DLG2: variants seen among roughly 807,000 people sequenced by gnomAD.
DLG2 encodes the protein discs large MAGUK scaffold protein 2.
DLG2 carries 45 observed loss-of-function variants against 132.5 expected under a neutral mutation model. The ratio of observed to expected loss-of-function variants is 0.34; its 90% confidence interval spans 0.27 to 0.44. The LOEUF is 0.44. Among genes scored for constraint, DLG2 ranks in the 20% least tolerant of loss-of-function variants. The pLI, the probability that DLG2 is intolerant of heterozygous loss-of-function variation, is 1.00. For missense variants in DLG2, 1,045 were observed against 1,196.9 expected, an observed-to-expected ratio of 0.87 and a Z score of 1.87; for synonymous variants, 424 against 419.6, an observed-to-expected ratio of 1.01 and a Z score of -0.13.
rs1002753188 is a variant in DLG2 at position 83,455,908 on chromosome 11, T to C, written c.*3910A>G. The C allele has an allele frequency of 3.3e-5, 5 of 152,476 alleles. No individual in the cohort carries two copies. The highest frequency in any genetic ancestry group is 1.2e-4 in the African/African-American group (5 of 41,446). 9.4% of individuals were successfully genotyped at this position (152,476 alleles called of 1,614,324 possible). A position where few individuals can be genotyped will look rare whatever the true frequency, so the allele number is the denominator to read the frequency against. On this transcript the variant is annotated 3_prime_UTR_variant, in exon 28 of 28. Transcript: ENST00000376104. ...TTAGGAATTAGCCTGAGTCCTTGGC[T>C]TAAATATATTTGTAGGAATTTAGGC...
At chr11:84,195,470 C>T (rs2096498382) in intron 8 of DLG2, among the ~76,000 whole-genome samples, 1 of 152,044 alleles carries the variant, frequency 6.6e-6, no homozygotes, top group African/African-American at 2.4e-5. Context: ...AGCCTTGCCT[C>T]TACTCTTCTC....
At chr11:84,435,426 C>G (rs1247151171) in intron 7 of DLG2, among the ~76,000 whole-genome samples, 1 of 152,122 alleles carries the variant, frequency 6.6e-6, no homozygotes, top group African/African-American at 2.4e-5. Context: ...AATACAAATT[C>G]CATTAAAAAA....
chr11:83,817,539 C>T lies in DLG2; in HGVS notation c.1722+16075G>A, dbSNP rs188413314. ...ACTCTGAAAAAAGTATGAATGTATG[C>T]CTTTAATTTTAATTTCTGATTTTAA... is the stretch of plus-strand genomic sequence containing the variant. On this transcript the variant is annotated intron_variant, in intron 17 of 27. Transcript: ENST00000376104. 6.2e-3 allele frequency among the ~76,000 whole-genome samples: 940 copies of T among 152,082 alleles called. 8 individuals carry two copies. The highest frequency in any genetic ancestry group is 0.02 in the Middle Eastern group (6 of 294).
chr11:84,598,438 G>A (rs576595848), intron 6 of DLG2, among the ~76,000 whole-genome samples: 1 of 152,228 alleles, frequency 6.6e-6, no homozygotes, highest in Non-Finnish European at 1.5e-5. Context: ...TGCAGCTAAG[G>A]TTGAAACACT....
intron 6 of DLG2, among the ~76,000 whole-genome samples, chr11:84,560,775 G>A (rs749343334): frequency 4.6e-5 from 7 of 152,060 alleles, no homozygotes; most frequent in Admixed American, 6.6e-5. Context: ...TGAAGATGGA[G>A]TAGGTATTAC....
chr11:84,389,795 T>C (rs547292931), intron 7 of DLG2, among the ~76,000 whole-genome samples: 1 of 152,310 alleles, frequency 6.6e-6, no homozygotes, highest in East Asian at 1.9e-4. Context: ...CAGTAAGAAA[T>C]GCAGCTAGCT....
intron 3 of DLG2, among the ~76,000 whole-genome samples, chr11:85,374,910 ACCTTT>A (rs759100491): frequency 5.9e-5 from 9 of 152,074 alleles, no homozygotes; most frequent in Non-Finnish European, 1.2e-4. Flanking sequence ...ATATACTAAA[ACCTTT>A]AGGGCTGAAA....
At chr11:84,253,116 G>A (rs778011251) in intron 7 of DLG2, among the ~76,000 whole-genome samples, 1 of 151,972 alleles carries the variant, frequency 6.6e-6, no homozygotes, top group Non-Finnish European at 1.5e-5. Context: ...TCAATGGGAC[G>A]TATCTTGTGG....
At chr11:84,599,316 T>C (rs982773961) in intron 6 of DLG2, among the ~76,000 whole-genome samples, 2 of 152,174 alleles carry the variant, frequency 1.3e-5, no homozygotes, top group Non-Finnish European at 2.9e-5. Context: ...CGAGGGACTA[T>C]GAAAACTGTG....
intron 22 of DLG2, chr11:83,480,772 T>C: frequency 3.0e-6 from 2 of 676,406 alleles, no homozygotes; most frequent in Non-Finnish European, 4.9e-6. Flanking sequence ...CTGAGTGTTT[T>C]CTTGACTATA....
chr11:84,497,756 T>C (rs1294448038), intron 7 of DLG2, among the ~76,000 whole-genome samples: 1 of 152,144 alleles, frequency 6.6e-6, no homozygotes, highest in Non-Finnish European at 1.5e-5. Context: ...TAACTAATCA[T>C]CTCTTATCAA....
chr11:85,447,430 G>C (rs973609025), intron 3 of DLG2, among the ~76,000 whole-genome samples: 7 of 152,064 alleles, frequency 4.6e-5, no homozygotes, highest in African/African-American at 1.4e-4. Context: ...AATATGACTG[G>C]TGACTTTATA....
intron 4 of DLG2, among the ~76,000 whole-genome samples, chr11:85,159,893 C>A (rs923303117): frequency 2.6e-5 from 4 of 152,046 alleles, no homozygotes; most frequent in African/African-American, 9.7e-5. Flanking sequence ...CCACAATGGC[C>A]CATTACATTG....
At chr11:84,254,428 A>T (rs567787397) in intron 7 of DLG2, among the ~76,000 whole-genome samples, 11 of 152,182 alleles carry the variant, frequency 7.2e-5, no homozygotes, top group Non-Finnish European at 1.5e-4. Flanking sequence ...AGAATTCTCC[A>T]CAGCACTTGG....
At chr11:85,525,372 G>C (rs1331887514) in intron 3 of DLG2, among the ~76,000 whole-genome samples, 1 of 152,014 alleles carries the variant, frequency 6.6e-6, no homozygotes, top group African/African-American at 2.4e-5. Context: ...TGAAACTAAG[G>C]TTTTCATTAT....
At chr11:83,825,663 G>C (rs547982813) in intron 17 of DLG2, among the ~76,000 whole-genome samples, 1 of 152,248 alleles carries the variant, frequency 6.6e-6, no homozygotes, top group South Asian at 2.1e-4. Context: ...GATGGAGGTA[G>C]GAGGGAGCTC....
intron 3 of DLG2, among the ~76,000 whole-genome samples, chr11:85,562,463 C>T (rs538509969): frequency 2.6e-5 from 4 of 151,746 alleles, no homozygotes; most frequent in South Asian, 2.1e-4. Context: ...ATCCTCAAAA[C>T]GAACTCCTTA....
chr11:83,764,972 T>C (rs759320487), intron 18 of DLG2, among the ~76,000 whole-genome samples: 1 of 152,246 alleles, frequency 6.6e-6, no homozygotes, highest in Non-Finnish European at 1.5e-5. Flanking sequence ...GCACACTCTC[T>C]AGATTTGACT....
intron 9 of DLG2, among the ~76,000 whole-genome samples, chr11:84,154,159 A>G (rs1048910890): frequency 1.3e-5 from 2 of 152,072 alleles, no homozygotes; most frequent in Non-Finnish European, 2.9e-5. Flanking sequence ...CAACATGCCC[A>G]GCTAATTTTT....
Sources: gnomAD v4.1 joint callset for allele counts (sites outside exome capture counted in the v4.1 genomes callset) on GRCh38, gnomAD v4.1.1 for gene constraint, MANE v1.5 for transcripts, NCBI Gene and HGNC (gene_info 2026-07-23, HGNC 2026-07-21) for gene names.